Variants in LRRC3B observed in about 807,000 individuals in gnomAD.
The protein encoded by LRRC3B is leucine rich repeat containing 3B.
In LRRC3B, 2 loss-of-function variants were observed where a neutral mutation model predicts 12.8. The observed-to-expected ratio is 0.16, with a 90% CI of 0.06 to 0.49. The LOEUF is 0.49. Ranked by LOEUF, LRRC3B falls within the 20% of genes least tolerant of loss-of-function variation. LRRC3B has a pLI of 0.96. For synonymous variants in LRRC3B, 132 were observed against 122.0 expected, an observed-to-expected ratio of 1.08 and a Z score of -0.54; for missense variants, 189 against 319.4, an observed-to-expected ratio of 0.59 and a Z score of 3.11.
intron 1 of LRRC3B, among the ~76,000 whole-genome samples, chr3:26,667,079 A>ATT (rs59880034): frequency 6.9e-5 from 10 of 144,930 alleles, no homozygotes; most frequent in African/African-American, 2.1e-4. Flanking sequence ...TCCCTCTGTG[A>ATT]TTTTTTTTTA....
At chr3:26,634,918 A>G (rs1386935873) in intron 1 of LRRC3B, among the ~76,000 whole-genome samples, 4 of 152,178 alleles carry the variant, frequency 2.6e-5, no homozygotes, top group Admixed American at 1.3e-4. Flanking sequence ...GGCTATTATA[A>G]TACGTTGAAT....
intron 1 of LRRC3B, chr3:26,624,157 G>T (rs1311557877): frequency 6.6e-6 from 1 of 152,332 alleles, no homozygotes; most frequent in African/African-American, 2.4e-5. Context: ...AAGGCAGGCT[G>T]CTGAGTGCCT....
chr3:26,665,148 G>C (rs749035463), intron 1 of LRRC3B, among the ~76,000 whole-genome samples: 88 of 152,078 alleles, frequency 5.8e-4, no homozygotes, highest in Non-Finnish European at 8.8e-4. Flanking sequence ...CTAAGGGAAT[G>C]TGGGCAGAGC....
intron 1 of LRRC3B, among the ~76,000 whole-genome samples, chr3:26,640,452 CAAAA>C (rs201078208): frequency 8.0e-6 from 1 of 125,200 alleles, no homozygotes; most frequent in Non-Finnish European, 1.6e-5. Flanking sequence ...ACCCAAAAAA[CAAAA>C]ACAAACAAAC....
chr3:26,645,652 A>T (rs1699127906), intron 1 of LRRC3B, among the ~76,000 whole-genome samples: 1 of 152,108 alleles, frequency 6.6e-6, no homozygotes, highest in South Asian at 2.1e-4. Flanking sequence ...TCTGGAGGTA[A>T]GAAAATTAAG....
intron 1 of LRRC3B, among the ~76,000 whole-genome samples, chr3:26,671,362 A>ATATATATATATG (rs1699731296): frequency 2.6e-5 from 2 of 77,936 alleles, no homozygotes; most frequent in African/African-American, 1.1e-4. Flanking sequence ...ATATATATAT[A>ATATATATATATG]TATATATATA....
intron 1 of LRRC3B, among the ~76,000 whole-genome samples, chr3:26,685,181 G>A (rs1011995274): frequency 2.0e-5 from 3 of 151,978 alleles, no homozygotes; most frequent in Admixed American, 6.6e-5. Flanking sequence ...TCGAACTCCC[G>A]ACCTCAGGTG....
chr3:26,632,078 C>T (rs567850623), intron 1 of LRRC3B, among the ~76,000 whole-genome samples: 1 of 152,184 alleles, frequency 6.6e-6, no homozygotes, highest in Admixed American at 6.5e-5. Context: ...TGGAGCACTT[C>T]TGGGAGCCTA....
intron 1 of LRRC3B, among the ~76,000 whole-genome samples, chr3:26,666,921 C>G (rs903065147): frequency 6.6e-6 from 1 of 152,104 alleles, no homozygotes. Context: ...AGAAATGTGT[C>G]AACTACAACA....
At chr3:26,625,945 G>T (rs530723524) in intron 1 of LRRC3B, among the ~76,000 whole-genome samples, 1 of 152,210 alleles carries the variant, frequency 6.6e-6, no homozygotes, top group African/African-American at 2.4e-5. Context: ...GCCAGGAAAT[G>T]GTGGGGCTGA....
At chr3:26,669,232 A>T (rs1699669909) in intron 1 of LRRC3B, among the ~76,000 whole-genome samples, 2 of 152,192 alleles carry the variant, frequency 1.3e-5, no homozygotes, top group Non-Finnish European at 2.9e-5. Context: ...CAAAAATTCG[A>T]TGGGAAGATG....
intron 1 of LRRC3B, among the ~76,000 whole-genome samples, chr3:26,638,208 G>A (rs1043186278): frequency 2.6e-5 from 4 of 151,860 alleles, no homozygotes; most frequent in Non-Finnish European, 5.9e-5. Context: ...ATATTATGAG[G>A]TGCTATGATC....
chr3:26,702,901 G>C (rs1298349852), intron 1 of LRRC3B, among the ~76,000 whole-genome samples: 5 of 152,116 alleles, frequency 3.3e-5, no homozygotes, highest in Non-Finnish European at 7.4e-5. Flanking sequence ...GGAGTCATTG[G>C]GTAAAGCTGA....
chr3:26,708,235 C>CTAAG (rs964601957), intron 1 of LRRC3B, among the ~76,000 whole-genome samples: 74 of 152,318 alleles, frequency 4.9e-4, no homozygotes, highest in African/African-American at 1.7e-3. Context: ...AGGGAATCTT[C>CTAAG]TAAGTCAGGC....
At chr3:26,685,603 A>ATATG (rs1196672229) in intron 1 of LRRC3B, among the ~76,000 whole-genome samples, 3 of 131,022 alleles carry the variant, frequency 2.3e-5, no homozygotes, top group Non-Finnish European at 4.5e-5. Flanking sequence ...TCATATATAT[A>ATATG]TATGTGTGTG....
intron 1 of LRRC3B, among the ~76,000 whole-genome samples, chr3:26,693,031 G>T (rs1031957222): frequency 6.6e-6 from 1 of 152,126 alleles, no homozygotes; most frequent in African/African-American, 2.4e-5. Flanking sequence ...GCTGGGCAGG[G>T]TTCTAAGATC....
chr3:26,649,346 AATT>A (rs1438552476), intron 1 of LRRC3B, among the ~76,000 whole-genome samples: 1 of 151,794 alleles, frequency 6.6e-6, no homozygotes, highest in East Asian at 1.9e-4. Context: ...ATTCATAAAG[AATT>A]ATTTGCCTCT....
intron 1 of LRRC3B, among the ~76,000 whole-genome samples, chr3:26,623,544 C>T (rs757765769): frequency 1.1e-4 from 16 of 152,158 alleles, no homozygotes; most frequent in Non-Finnish European, 1.8e-4. Context: ...TCTTGCCCTT[C>T]CCCCAGCCCC....
chr3:26,637,458 C>T (rs1275469031), intron 1 of LRRC3B, among the ~76,000 whole-genome samples: 3 of 152,148 alleles, frequency 2.0e-5, no homozygotes, highest in Non-Finnish European at 4.4e-5. Flanking sequence ...ATGTTCTTTT[C>T]TCTACCTTAC....
Sources: gnomAD v4.1 joint callset for allele counts (sites outside exome capture counted in the v4.1 genomes callset) on GRCh38, gnomAD v4.1.1 for gene constraint, MANE v1.5 for transcripts, NCBI Gene and HGNC (gene_info 2026-07-23, HGNC 2026-07-21) for gene names.